The following FRY variants were observed in gnomAD, a reference collection of about 807,000 sequenced individuals.
FRY encodes the protein protein furry homolog.
In FRY, 128 loss-of-function variants were observed where a neutral mutation model predicts 348.4. That is an observed-to-expected ratio of 0.37 (90% CI 0.32 to 0.43). The LOEUF (loss-of-function observed/expected upper bound fraction) is 0.43. FRY is among the 20% of genes least tolerant of loss of function. The pLI is 1.00. For synonymous variants in FRY, 1,370 were observed against 1,374.7 expected (o/e 1.00, Z 0.08); for missense variants, 2,736 against 3,695.2 (o/e 0.74, Z 6.73).
chr13:32,287,641 T>C (rs1889143331), intron 58 of FRY, among the ~76,000 whole-genome samples: 1 of 138,094 alleles, frequency 7.2e-6, no homozygotes, highest in Non-Finnish European at 1.6e-5. Flanking sequence ...ACGTAAACAT[T>C]ATGTTTTTTC....
intron 31 of FRY, among the ~76,000 whole-genome samples, chr13:32,202,745 T>C (rs1884107055): frequency 6.6e-6 from 1 of 151,530 alleles, no homozygotes; most frequent in Non-Finnish European, 1.5e-5. Flanking sequence ...GAATCAGGAG[T>C]TTGAGACCAG....
chr13:32,295,268 T>A lies in FRY; in HGVS notation c.8850T>A (p.Ile2950=). Residue 2950 remains isoleucine (I), a synonymous_variant, in exon 61 of 61, where the codon ATT becomes ATA. Coordinates refer to ENST00000542859, the MANE Select transcript of FRY (RefSeq NM_023037.3). ...ATGAGGTCCAGACACTACTGAATAT[T>A]TATTTCCGTCACCAAACTCTGGGAC... The part of the protein sequence containing the change: ...SDDEVQTLLN[I]YFRHQTLGQT... 2 of 1,613,832 alleles carry A rather than the reference T, an allele frequency of 1.2e-6. No individual in the cohort carries two copies. Among genetic ancestry groups the A allele is most frequent in the South Asian group, 2.2e-5 (2 of 91,064 alleles).
intron 1 of FRY, among the ~76,000 whole-genome samples, chr13:32,073,892 C>T (rs923891452): frequency 2.6e-5 from 4 of 152,170 alleles, no homozygotes; most frequent in Admixed American, 2.0e-4. Flanking sequence ...TGTAGCTGAA[C>T]TATGAGCTGT....
chr13:32,043,024 G>A (rs1375307153), intron 1 of FRY, among the ~76,000 whole-genome samples: 4 of 152,178 alleles, frequency 2.6e-5, no homozygotes, highest in African/African-American at 9.7e-5. Flanking sequence ...CCTAGACTGG[G>A]CAATTTACAA....
rs183928962 is a variant in FRY at position 32,236,392 on chromosome 13, T to C, written c.5810+220T>C. Among the ~76,000 whole-genome samples the C allele has an allele frequency of 1.7e-3, 262 of 152,132 alleles. 2 individuals carry two copies. The highest frequency in any genetic ancestry group is 2.4e-3 in the Non-Finnish European group (162 of 68,006). On this transcript the variant is annotated intron_variant, in intron 43 of 60. Transcript: ENST00000542859. The stretch of plus-strand genomic sequence containing the variant: ...CACATTATATAAGTATTTTAAAACA[T>C]CAGGAAGATAGATACTAAGTGTTAT...
At position 32,239,967 on chromosome 13, in the gene FRY, T is replaced by A; in HGVS notation, c.6687+86T>A. 1.8e-6 allele frequency: 2 copies of A among 1,137,202 alleles called. No homozygotes were observed. The highest frequency in any genetic ancestry group is 2.5e-5 in the East Asian group (1 of 40,580). 70.4% of individuals were successfully genotyped at this position (1,137,202 alleles called of 1,614,324 possible). On this transcript the variant is annotated intron_variant, in intron 46 of 60. Transcript: ENST00000542859. The surrounding 1 kb of genome is among the most constrained non-coding windows in gnomAD (Gnocchi z 4.3). ...AACTCTTGGGCTCAAGCAGTCCTCC[T>A]GCCTTCGCCTCCCAGAGTGCTAGGA...
chr13:32,222,110 T>C, intron 36 of FRY, among the ~76,000 whole-genome samples: 1 of 152,044 alleles, frequency 6.6e-6, no homozygotes, highest in Non-Finnish European at 1.5e-5. Context: ...TAAGGTGATA[T>C]TAGGGCAGAG....
At chr13:32,275,318 G>A (rs562525578) in intron 56 of FRY, among the ~76,000 whole-genome samples, 1 of 151,622 alleles carries the variant, frequency 6.6e-6, no homozygotes, top group East Asian at 1.9e-4. Flanking sequence ...ACCCCGGGGG[G>A]CAGAGCTTGC....
chr13:32,131,596 T>C, intron 7 of FRY, 76 bp from the exon 8 acceptor site: 1 of 962,144 alleles, frequency 1.0e-6, no homozygotes, highest in Non-Finnish European at 1.7e-6. Flanking sequence ...GCTCAATCAC[T>C]CCCAGATGCT....
chr13:32,225,029 C>T lies in FRY; in HGVS notation c.5013C>T (p.Val1671=), dbSNP rs1431137792. 1.3e-6 allele frequency: 2 copies of T among 1,576,894 alleles called. No homozygotes were observed. The highest frequency in any genetic ancestry group is 2.2e-5 in the South Asian group (2 of 90,326). The change falls in exon 38 of 61, where the codon GTC becomes GTT. Residue 1671 remains valine, a synonymous_variant. Coordinates refer to ENST00000542859, the MANE Select transcript of FRY (RefSeq NM_023037.3). ...ALHLPLLLHA[V]FLGLDHYRPE... ...ATCTACCATTATTACTTCATGCTGT[C>T]TTCTTAGGTAAGACTGGATCTAAAA...
At chr13:32,160,471 T>G (rs1171763512) in intron 16 of FRY, among the ~76,000 whole-genome samples, 1 of 152,204 alleles carries the variant, frequency 6.6e-6, no homozygotes, top group African/African-American at 2.4e-5. Flanking sequence ...TATATATTTC[T>G]CCTTCACATT....
At chr13:32,051,370 G>A (rs937150628) in intron 1 of FRY, among the ~76,000 whole-genome samples, 5 of 152,146 alleles carry the variant, frequency 3.3e-5, no homozygotes, top group Non-Finnish European at 7.4e-5. Context: ...ACTGGCAAGA[G>A]CAGATGGAAG....
At chr13:32,261,412 A>G (rs572571848) in intron 51 of FRY, 1 of 755,308 alleles carries the variant, frequency 1.3e-6, no homozygotes, top group African/African-American at 1.7e-5. Flanking sequence ...ATTTCTGCCT[A>G]TGACTTCACA....
At chr13:32,112,374 A>G (rs181414955) in intron 3 of FRY, among the ~76,000 whole-genome samples, 4 of 152,232 alleles carry the variant, frequency 2.6e-5, no homozygotes, top group Admixed American at 2.6e-4. Flanking sequence ...TGAGGTAAGT[A>G]TTTAGTCCCA....
intron 23 of FRY, among the ~76,000 whole-genome samples, chr13:32,180,338 G>C (rs374424160): frequency 6.6e-6 from 1 of 151,894 alleles, no homozygotes; most frequent in Non-Finnish European, 1.5e-5. Context: ...GGATTCAAGC[G>C]ATTCTCCTGC....
intron 22 of FRY, among the ~76,000 whole-genome samples, chr13:32,179,340 C>T (rs1217491110): frequency 6.6e-6 from 1 of 152,128 alleles, no homozygotes; most frequent in African/African-American, 2.4e-5. Context: ...TCTTTCACTC[C>T]TCACTGAGTA....
At chr13:32,212,238 G>T in intron 34 of FRY, 54 bp from the exon 35 acceptor site, 1 of 968,008 alleles carries the variant, frequency 1.0e-6, no homozygotes, top group Non-Finnish European at 1.6e-6. Flanking sequence ...ACTTGAGCTT[G>T]ACCCCTCAGC....
intron 41 of FRY, 66 bp from the exon 42 acceptor site, chr13:32,234,508 G>A: frequency 7.2e-7 from 1 of 1,383,096 alleles, no homozygotes; most frequent in Non-Finnish European, 1.0e-6. Flanking sequence ...AAACTTAGAG[G>A]TAACTTTGAT....
intron 38 of FRY, among the ~76,000 whole-genome samples, chr13:32,225,296 T>C (rs1593766706): frequency 6.6e-6 from 1 of 152,208 alleles, no homozygotes; most frequent in East Asian, 1.9e-4. Flanking sequence ...CAAAATAAGT[T>C]GGGCCTTTTT....
Sources: gnomAD v4.1 joint callset for allele counts (sites outside exome capture counted in the v4.1 genomes callset) on GRCh38, gnomAD v4.1.1 for gene constraint, Gnocchi (gnomAD v3.1) non-coding constraint, MANE v1.5 for transcripts, NCBI Gene and HGNC (gene_info 2026-07-23, HGNC 2026-07-21) for gene names.